The following LINGO2 variants were observed in gnomAD, a reference collection of about 807,000 sequenced individuals.
LINGO2 encodes the protein leucine rich repeat and Ig domain containing 2, also known as leucine-rich repeat and immunoglobulin-like domain-containing nogo receptor-interacting protein 2.
In LINGO2, 14 loss-of-function variants were observed where a neutral mutation model predicts 30.6. The observed-to-expected ratio is 0.46, with a 90% CI of 0.30 to 0.72. The LOEUF (loss-of-function observed/expected upper bound fraction) is 0.72, where lower values mean the gene tolerates loss of function less well. Among genes scored for constraint, LINGO2 ranks in the 30% least tolerant of loss-of-function variants. The pLI is 0.07. For missense variants in LINGO2, 729 were observed against 751.7 expected (o/e 0.97, Z 0.35); for synonymous variants, 317 against 288.5 (o/e 1.10, Z -1.00).
At chr9:27,976,913 C>T (rs1820623564) in intron 5 of LINGO2, among the ~76,000 whole-genome samples, 1 of 151,878 alleles carries the variant, frequency 6.6e-6, no homozygotes, top group African/African-American at 2.4e-5. Context: ...TTTTGCAGAA[C>T]TTTCTGTGTA....
the LINGO2 span, among the ~76,000 whole-genome samples, chr9:28,898,585 C>T: frequency 6.6e-6 from 1 of 151,120 alleles, no homozygotes. Flanking sequence ...TAATCGACCC[C>T]TTTTTTTTTA....
chr9:27,949,641 G>C, exon 6 of LINGO2: 1 of 1,614,076 alleles, frequency 6.2e-7, no homozygotes, highest in Non-Finnish European at 8.5e-7. Context: ...CAGAGCCCTA[G>C]GGGAGGAGAA....
chr9:28,460,885 T>C (rs896966907), intron 2 of LINGO2, among the ~76,000 whole-genome samples: 5 of 152,060 alleles, frequency 3.3e-5, no homozygotes, highest in African/African-American at 9.7e-5. Context: ...AACTTCGTCA[T>C]ACAAATAGAC....
At chr9:28,720,499 GTC>G in the LINGO2 span, among the ~76,000 whole-genome samples, 1 of 151,898 alleles carries the variant, frequency 6.6e-6, no homozygotes, top group Non-Finnish European at 1.5e-5. Flanking sequence ...TCTCTACCAT[GTC>G]TCTTTCCCCC....
the LINGO2 span, among the ~76,000 whole-genome samples, chr9:28,948,718 T>C: frequency 6.6e-6 from 1 of 152,138 alleles, no homozygotes; most frequent in Admixed American, 6.6e-5. Flanking sequence ...ATCTTGGTTA[T>C]GCAAATCACA....
the LINGO2 span, among the ~76,000 whole-genome samples, chr9:29,135,356 G>A: frequency 6.6e-6 from 1 of 151,886 alleles, no homozygotes; most frequent in Admixed American, 6.6e-5. Flanking sequence ...TCAGGAGGTT[G>A]AGACCATCCT....
the LINGO2 span, among the ~76,000 whole-genome samples, chr9:29,139,005 G>A: frequency 6.6e-6 from 1 of 152,216 alleles, no homozygotes; most frequent in Admixed American, 6.5e-5. Flanking sequence ...ACTAAATACT[G>A]TGATTTCTGA....
chr9:29,152,092 T>C, the LINGO2 span, among the ~76,000 whole-genome samples: 7 of 152,018 alleles, frequency 4.6e-5, no homozygotes, highest in Non-Finnish European at 1.0e-4. Flanking sequence ...ATCAGAGAAA[T>C]GCAAATCCAA....
At chr9:29,207,325 G>C in the LINGO2 span, among the ~76,000 whole-genome samples, 40 of 152,080 alleles carry the variant, frequency 2.6e-4, no homozygotes, top group African/African-American at 9.6e-4. Context: ...TGGTGTACCT[G>C]GAGCAATACA....
At chr9:28,723,991 C>T in the LINGO2 span, among the ~76,000 whole-genome samples, 5,591 of 151,986 alleles carry the variant, frequency 0.037, 349 homozygotes, top group African/African-American at 0.12. Flanking sequence ...CTATTTGCTT[C>T]TTCTGTGTTT....
intron 4 of LINGO2, among the ~76,000 whole-genome samples, chr9:28,087,844 C>T (rs1017161732): frequency 6.6e-6 from 1 of 151,978 alleles, no homozygotes; most frequent in African/African-American, 2.4e-5. Flanking sequence ...TGAGATAGCT[C>T]CTAGTCTTCA....
chr9:29,184,308 TA>T, the LINGO2 span, among the ~76,000 whole-genome samples: 26 of 144,576 alleles, frequency 1.8e-4, no homozygotes, highest in East Asian at 4.0e-4. Flanking sequence ...TTTTAAAAAC[TA>T]AAAAAAAAAA....
chr9:28,298,993 C>T (rs906156324), intron 3 of LINGO2, among the ~76,000 whole-genome samples: 1 of 152,220 alleles, frequency 6.6e-6, no homozygotes, highest in Non-Finnish European at 1.5e-5. Flanking sequence ...ATGCACAACA[C>T]TACTACCCTT....
the LINGO2 span, among the ~76,000 whole-genome samples, chr9:29,140,797 T>C: frequency 1.8e-4 from 28 of 151,836 alleles, no homozygotes; most frequent in Admixed American, 1.8e-3. Context: ...ACTCTTCACA[T>C]ATAAGGGAGG....
intron 1 of LINGO2, among the ~76,000 whole-genome samples, chr9:28,601,985 A>G (rs922043335): frequency 2.0e-5 from 3 of 152,108 alleles, no homozygotes; most frequent in Non-Finnish European, 4.4e-5. Context: ...CATTTTTCTC[A>G]GGTTGCATTC....
At chr9:28,416,215 T>G (rs1822962654) in intron 2 of LINGO2, among the ~76,000 whole-genome samples, 1 of 152,138 alleles carries the variant, frequency 6.6e-6, no homozygotes, top group Admixed American at 6.6e-5. Flanking sequence ...ATTATACTCT[T>G]TTCATAAAAT....
chr9:28,361,831 T>C (rs1820457910), intron 3 of LINGO2, among the ~76,000 whole-genome samples: 1 of 152,218 alleles, frequency 6.6e-6, no homozygotes, highest in African/African-American at 2.4e-5. Context: ...AGCAACTTTG[T>C]AAGTTAGGTT....
intron 1 of LINGO2, among the ~76,000 whole-genome samples, chr9:28,575,925 A>ATACAC (rs1554640120): frequency 2.0e-5 from 1 of 49,718 alleles, no homozygotes; most frequent in Non-Finnish European, 5.2e-5. Flanking sequence ...TTAGCCTTGA[A>ATACAC]ATACACACAC....
intron 4 of LINGO2, among the ~76,000 whole-genome samples, chr9:28,263,207 G>C (rs901570408): frequency 2.0e-5 from 3 of 151,932 alleles, no homozygotes; most frequent in African/African-American, 7.2e-5. Context: ...CAACAGGAAG[G>C]AGTCTCCTGC....
Sources: gnomAD v4.1 joint callset for allele counts (sites outside exome capture counted in the v4.1 genomes callset) on GRCh38, gnomAD v4.1.1 for gene constraint, MANE v1.5 for transcripts, NCBI Gene and HGNC (gene_info 2026-07-23, HGNC 2026-07-21) for gene names.